Variants in FMNL2 observed in about 807,000 individuals in gnomAD.
FMNL2 encodes the protein formin-like protein 2.
Under a neutral mutation model 130.2 loss-of-function variants are expected in FMNL2, and 51 were observed. The ratio of observed to expected loss-of-function variants is 0.39; its 90% CI spans 0.31 to 0.49. FMNL2 has a LOEUF of 0.49. FMNL2 is among the 20% of genes least tolerant of loss of function. The pLI is 0.85. For missense variants in FMNL2, 977 were observed against 1,316.2 expected (o/e 0.74, Z 3.99); for synonymous variants, 465 against 467.1 (o/e 1.00, Z 0.06).
intron 9 of FMNL2, among the ~76,000 whole-genome samples, chr2:152,591,103 G>A (rs986658724): frequency 2.8e-5 from 4 of 144,448 alleles, no homozygotes; most frequent in South Asian, 2.3e-4. Flanking sequence ...TCCGTCTCCC[G>A]GGTTCAAGCG....
chr2:152,393,871 G>A (rs1685249866), intron 1 of FMNL2, among the ~76,000 whole-genome samples: 1 of 152,170 alleles, frequency 6.6e-6, no homozygotes, highest in Admixed American at 6.5e-5. Context: ...GAGGATGGCT[G>A]TGCTCCCATA....
chr2:152,620,844 C>G (rs1699213288), intron 15 of FMNL2: 3 of 820,672 alleles, frequency 3.7e-6, no homozygotes, highest in African/African-American at 3.7e-5. Flanking sequence ...TTACTTCCAC[C>G]CCGACTTCTA....
intron 8 of FMNL2, among the ~76,000 whole-genome samples, chr2:152,579,989 A>G (rs1696691017): frequency 6.6e-6 from 1 of 152,252 alleles, no homozygotes; most frequent in African/African-American, 2.4e-5. Context: ...TGGAAAATGC[A>G]ACACGAACTA....
chr2:152,458,080 A>T (rs1053479970), intron 1 of FMNL2, among the ~76,000 whole-genome samples: 1 of 152,164 alleles, frequency 6.6e-6, no homozygotes, highest in Non-Finnish European at 1.5e-5. Context: ...ATGTATGGTA[A>T]CATATTCATA....
chr2:152,446,876 GTTTTA>G (rs1352855020), intron 1 of FMNL2, among the ~76,000 whole-genome samples: 1 of 152,106 alleles, frequency 6.6e-6, no homozygotes, highest in East Asian at 1.9e-4. Context: ...ATGTGTCAAA[GTTTTA>G]TTTGATTTGG....
intron 4 of FMNL2, among the ~76,000 whole-genome samples, chr2:152,553,226 C>T (rs1480832110): frequency 2.0e-5 from 3 of 152,218 alleles, no homozygotes; most frequent in African/African-American, 7.2e-5. Flanking sequence ...GCATACAACA[C>T]GTATGGGAGT....
At chr2:152,563,004 T>A (rs183299386) in intron 6 of FMNL2, among the ~76,000 whole-genome samples, 33 of 152,290 alleles carry the variant, frequency 2.2e-4, no homozygotes, top group Admixed American at 1.1e-3. Context: ...TTTAAAGTAT[T>A]TTTTCCAGTA....
intron 4 of FMNL2, among the ~76,000 whole-genome samples, chr2:152,556,731 A>C (rs888612274): frequency 6.6e-6 from 1 of 152,170 alleles, no homozygotes; most frequent in African/African-American, 2.4e-5. Flanking sequence ...CACTGAGTGC[A>C]TTCTGAATGG....
At chr2:152,434,526 T>A (rs1381092513) in intron 1 of FMNL2, among the ~76,000 whole-genome samples, 1 of 152,146 alleles carries the variant, frequency 6.6e-6, no homozygotes, top group Non-Finnish European at 1.5e-5. Flanking sequence ...ATAAGCTGGA[T>A]CCCAGCTGGC....
chr2:152,502,822 A>G (rs989665117), intron 1 of FMNL2, among the ~76,000 whole-genome samples: 4 of 152,104 alleles, frequency 2.6e-5, no homozygotes, highest in African/African-American at 9.7e-5. Flanking sequence ...GTTCTTGTAT[A>G]AGGGGGTTTA....
chr2:152,412,447 T>A (rs1686345296), intron 1 of FMNL2, among the ~76,000 whole-genome samples: 4 of 8,264 alleles, frequency 4.8e-4, no homozygotes, highest in Non-Finnish European at 1.3e-3. Context: ...CTGTATATTT[T>A]ATATATATAT....
intron 2 of FMNL2, 21 bp downstream of exon 2, chr2:152,522,047 C>A: frequency 3.8e-6 from 6 of 1,580,452 alleles, no homozygotes; most frequent in Non-Finnish European, 4.3e-6. Flanking sequence ...GTGACACTTT[C>A]TTTTATGAAA....
rs73016118 is a variant in FMNL2, at chr2:152,638,741, C to G, written c.2946+1067C>G. ...GCTGCGGGCCACCAACTGCTGCCGT[C>G]TGCAGTGCTTGGTAGCCCAAGCCCA... On this transcript the variant is annotated intron_variant, in intron 23 of 25. Transcript: ENST00000288670. 8.8e-3 allele frequency among the ~76,000 whole-genome samples: 1,338 copies of G among 152,286 alleles called. 20 individuals carry two copies. Among genetic ancestry groups the G allele is most frequent in the African/African-American group, 0.031 (1,274 of 41,544 alleles).
At chr2:152,584,409 C>T (rs1325115614) in intron 9 of FMNL2, among the ~76,000 whole-genome samples, 1 of 152,158 alleles carries the variant, frequency 6.6e-6, no homozygotes. Context: ...GGATTCCATT[C>T]ATCTGCCTAA....
intron 4 of FMNL2, among the ~76,000 whole-genome samples, chr2:152,556,394 C>G (rs1228523137): frequency 1.3e-5 from 2 of 152,000 alleles, no homozygotes; most frequent in Non-Finnish European, 2.9e-5. Context: ...CTTTAGCTGA[C>G]CTTTTAGGAG....
chr2:152,377,005 C>T (rs894443462), intron 1 of FMNL2, among the ~76,000 whole-genome samples: 12 of 152,176 alleles, frequency 7.9e-5, no homozygotes, highest in Non-Finnish European at 1.5e-4. Flanking sequence ...TGGAAACAAC[C>T]TGCTTTGTGG....
At chr2:152,380,929 C>T (rs1460998715) in intron 1 of FMNL2, among the ~76,000 whole-genome samples, 1 of 152,116 alleles carries the variant, frequency 6.6e-6, no homozygotes, top group Non-Finnish European at 1.5e-5. Context: ...TAAACTGAGC[C>T]TTCATTTTCT....
At chr2:152,578,574 A>G (rs1696600884) in intron 7 of FMNL2, 1 of 189,522 alleles carries the variant, frequency 5.3e-6, no homozygotes, top group African/African-American at 2.4e-5. Flanking sequence ...TTTTGATAAT[A>G]GCATCATTGC....
intron 1 of FMNL2, among the ~76,000 whole-genome samples, chr2:152,351,469 G>T (rs1416469886): frequency 6.6e-6 from 1 of 152,082 alleles, no homozygotes; most frequent in Non-Finnish European, 1.5e-5. Context: ...TTCTGTTCCT[G>T]TGTTAGTTTG....
Sources: allele counts gnomAD v4.1 joint callset (sites outside exome capture counted in the v4.1 genomes callset), GRCh38; gene constraint gnomAD v4.1.1; transcripts MANE v1.5; gene names NCBI Gene and HGNC (gene_info 2026-07-23, HGNC 2026-07-21).